Variants in DACH2 observed in about 807,000 individuals in gnomAD.
DACH2 encodes dachshund homolog 2.
In DACH2, 17 loss-of-function variants were observed where a neutral mutation model predicts 35.8. The observed-to-expected ratio is 0.48, with a 90% CI of 0.33 to 0.71. The LOEUF (loss-of-function observed/expected upper bound fraction) is 0.71, where lower values mean the gene tolerates loss of function less well. Among genes scored for constraint, DACH2 ranks in the 30% least tolerant of loss-of-function variants. The probability of loss-of-function intolerance (pLI) is 0.02; values close to 1 mark genes in which losing one functional copy is unlikely to be tolerated. For missense variants in DACH2, 469 were observed against 472.7 expected (o/e 0.99, Z 0.07); for synonymous variants, 195 against 177.3 (o/e 1.10, Z -0.79).
intron 11 of DACH2, chrX:86,831,728 A>T (rs1002316626): frequency 8.2e-6 from 1 of 121,741 alleles, no homozygotes; most frequent in Admixed American, 9.2e-5. Flanking sequence ...ATTATCTTAG[A>T]TCATAACCAG....
At chrX:86,215,388 G>A (rs995808647) in intron 1 of DACH2, among the ~76,000 whole-genome samples, 1 of 111,623 alleles carries the variant, frequency 9.0e-6, no homozygotes, top group Non-Finnish European at 1.9e-5. Context: ...CTACGCAAGA[G>A]TTAGTTCATT....
At chrX:86,254,805 T>TAGAG (rs1265976523) in intron 1 of DACH2, among the ~76,000 whole-genome samples, 18 of 60,773 alleles carry the variant, frequency 3.0e-4, no homozygotes, top group African/African-American at 1.3e-3. Context: ...TATATATATA[T>TAGAG]ATAGAGAGAG....
intron 5 of DACH2, among the ~76,000 whole-genome samples, chrX:86,714,303 T>C (rs1338509915): frequency 8.9e-6 from 1 of 112,102 alleles, no homozygotes; most frequent in Non-Finnish European, 1.9e-5. Context: ...TTTTGCATCT[T>C]ATAAATATTT....
chrX:86,623,939 A>G (rs771117406), intron 3 of DACH2, among the ~76,000 whole-genome samples: 1 of 100,450 alleles, frequency 1.0e-5, no homozygotes, highest in Non-Finnish European at 2.0e-5. Context: ...TCCCAGCTAC[A>G]CAGGAGGCTG....
intron 6 of DACH2, among the ~76,000 whole-genome samples, chrX:86,718,053 G>A (rs1236713563): frequency 9.1e-6 from 1 of 109,980 alleles, no homozygotes; most frequent in African/African-American, 3.3e-5. Context: ...TTGAGTGGTA[G>A]TTCTATTTAT....
chrX:86,324,281 C>T (rs1371642794), intron 1 of DACH2, among the ~76,000 whole-genome samples: 1 of 111,996 alleles, frequency 8.9e-6, no homozygotes, highest in African/African-American at 3.2e-5. Flanking sequence ...TTGCTGCAAT[C>T]TCATTTTAAA....
chrX:86,673,710 T>G (rs978026631), intron 4 of DACH2, among the ~76,000 whole-genome samples: 3 of 111,529 alleles, frequency 2.7e-5, no homozygotes, highest in African/African-American at 9.8e-5. Context: ...ATGATATGGT[T>G]TGGATTTGTG....
intron 1 of DACH2, among the ~76,000 whole-genome samples, chrX:86,311,029 G>T: frequency 9.1e-6 from 1 of 109,989 alleles, no homozygotes; most frequent in Admixed American, 9.6e-5. Context: ...ACTGCTGGGT[G>T]CTCAGTTTTC....
chrX:86,591,773 T>A (rs897142283), intron 3 of DACH2, among the ~76,000 whole-genome samples: 6 of 110,665 alleles, frequency 5.4e-5, no homozygotes, highest in Non-Finnish European at 9.5e-5. Flanking sequence ...CCTGACCTCA[T>A]GATTCACCCG....
chrX:86,747,026 G>A lies in DACH2; in HGVS notation c.1240+7144G>A, dbSNP rs190030326. ...CTGTAAAATTAAGCACTGATTTCTG[G>A]ACACTCAATTATGTTTAATTATCTG... is the stretch of plus-strand genomic sequence containing the variant. On this transcript the variant is annotated intron_variant, in intron 7 of 11. Transcript: ENST00000373125. Among the ~76,000 whole-genome samples, 773 of 111,493 alleles carry A rather than the reference G, an allele frequency of 6.9e-3. 4 individuals are homozygous for A. Among genetic ancestry groups the A allele is most frequent in the African/African-American group, 0.024 (731 of 30,780 alleles).
At chrX:86,405,652 A>G (rs957112580) in intron 2 of DACH2, among the ~76,000 whole-genome samples, 9 of 111,137 alleles carry the variant, frequency 8.1e-5, no homozygotes, top group African/African-American at 3.0e-4. Flanking sequence ...TGACCCCTCA[A>G]AACTGTTCCA....
At chrX:86,576,468 A>T (rs1298249073) in intron 3 of DACH2, among the ~76,000 whole-genome samples, 1 of 111,668 alleles carries the variant, frequency 9.0e-6, no homozygotes, top group African/African-American at 3.3e-5. Context: ...GCACAACATA[A>T]AATATGTGAA....
At chrX:86,582,362 C>T (rs2039512456) in intron 3 of DACH2, among the ~76,000 whole-genome samples, 1 of 109,425 alleles carries the variant, frequency 9.1e-6, no homozygotes, top group Non-Finnish European at 1.9e-5. Context: ...AAAATCAGAG[C>T]TGAAATGAAC....
chrX:86,332,039 G>A (rs1213759114), intron 1 of DACH2, among the ~76,000 whole-genome samples: 1 of 111,593 alleles, frequency 9.0e-6, no homozygotes, highest in Non-Finnish European at 1.9e-5. Context: ...ATTAAGCTAA[G>A]CAAAAGCTCA....
chrX:86,639,520 A>G (rs974829104), intron 3 of DACH2, among the ~76,000 whole-genome samples: 3 of 111,578 alleles, frequency 2.7e-5, no homozygotes, highest in Non-Finnish European at 5.7e-5. Context: ...AGACTATGGT[A>G]CATACCCCTA....
chrX:86,489,142 G>A (rs1192816114), intron 2 of DACH2, among the ~76,000 whole-genome samples: 1 of 110,804 alleles, frequency 9.0e-6, no homozygotes, highest in Non-Finnish European at 1.9e-5. Flanking sequence ...GTAATTTTAG[G>A]TATCTGTTCA....
In DACH2 at chrX:86,192,488, G is replaced by A. The variant is rs749141213; in HGVS notation, c.488+43380G>A. The stretch of plus-strand genomic sequence containing the variant: ...GTGTATGTGTATGTGTATGTGTGTA[G>A]CCTAACATAGGGCCAGCTACATAGT... On this transcript the variant is annotated intron_variant, in intron 1 of 11. Transcript: ENST00000373125. Among the ~76,000 whole-genome samples the A allele has an allele frequency of 4.5e-5, 5 of 111,977 alleles. No individual in the cohort carries two copies. The South Asian group carries it at 1.1e-3, about 25-fold the overall frequency.
intron 2 of DACH2, among the ~76,000 whole-genome samples, chrX:86,478,422 A>G (rs912088857): frequency 9.0e-6 from 1 of 110,912 alleles, no homozygotes; most frequent in Non-Finnish European, 1.9e-5. Context: ...TAAATATGTC[A>G]TGCCACTCTC....
intron 1 of DACH2, chrX:86,160,234 T>C: frequency 8.4e-7 from 1 of 1,194,061 alleles, no homozygotes; most frequent in Non-Finnish European, 1.1e-6. Flanking sequence ...ATAATATTCA[T>C]TTAGCCTTCT....
Sources: allele counts gnomAD v4.1 joint callset (sites outside exome capture counted in the v4.1 genomes callset), GRCh38; gene constraint gnomAD v4.1.1; transcripts MANE v1.5; gene names NCBI Gene and HGNC (gene_info 2026-07-23, HGNC 2026-07-21).